The following AKR1C8 variants were observed in gnomAD, a reference collection of about 807,000 sequenced individuals.
The protein encoded by AKR1C8 is aldo-keto reductase family 1 member C8, also known as aldo-keto reductase family 1 member C-like protein 1.
the AKR1C8 span, among the ~76,000 whole-genome samples, chr10:5,168,608 T>C: frequency 1.3e-5 from 2 of 152,284 alleles, no homozygotes; most frequent in Admixed American, 1.3e-4. Context: ...CATAGAGAGA[T>C]GTTATGTTAC....
At chr10:5,140,918 T>C in the AKR1C8 span, among the ~76,000 whole-genome samples, 1 of 152,272 alleles carries the variant, frequency 6.6e-6, no homozygotes, top group African/African-American at 2.4e-5. Context: ...AGTTCTGAAA[T>C]GACTGTGGCA....
the AKR1C8 span, among the ~76,000 whole-genome samples, chr10:5,126,199 G>C: frequency 6.6e-6 from 1 of 152,078 alleles, no homozygotes; most frequent in African/African-American, 2.4e-5. Flanking sequence ...CATAGCTAGG[G>C]CTTCTCCTAA....
the AKR1C8 span, among the ~76,000 whole-genome samples, chr10:5,134,798 G>A: frequency 2.0e-5 from 3 of 152,080 alleles, no homozygotes; most frequent in South Asian, 4.1e-4. Flanking sequence ...AGAAAGAAAC[G>A]GAGAAACCAT....
the AKR1C8 span, chr10:5,122,072 C>CGCA: frequency 8.5e-6 from 1 of 118,036 alleles, no homozygotes; most frequent in Non-Finnish European, 1.5e-5. Flanking sequence ...GTGAAAGAAT[C>CGCA]TGCATCACTT....
At chr10:5,172,368 A>T in the AKR1C8 span, among the ~76,000 whole-genome samples, 8,103 of 152,156 alleles carry the variant, frequency 0.053, 234 homozygotes, top group Middle Eastern at 0.12. Flanking sequence ...TTTTTTAAAT[A>T]TAAGTTATCT....
chr10:5,136,206 C>T, the AKR1C8 span, among the ~76,000 whole-genome samples: 1 of 152,162 alleles, frequency 6.6e-6, no homozygotes, highest in African/African-American at 2.4e-5. Context: ...GAATAATCCT[C>T]ACATGCCTTA....
chr10:5,117,792 G>A, the AKR1C8 span, among the ~76,000 whole-genome samples: 2 of 152,066 alleles, frequency 1.3e-5, no homozygotes, highest in Non-Finnish European at 2.9e-5. Context: ...AAGGTGCCAG[G>A]CTCTTTTTAA....
chr10:5,123,246 G>A, the AKR1C8 span: 4 of 181,250 alleles, frequency 2.2e-5, no homozygotes, highest in Non-Finnish European at 5.0e-5. Context: ...CACCATGCAG[G>A]AGTCCTAATG....
the AKR1C8 span, among the ~76,000 whole-genome samples, chr10:5,146,987 A>G: frequency 6.6e-6 from 1 of 152,166 alleles, no homozygotes; most frequent in African/African-American, 2.4e-5. Flanking sequence ...AAGGTGAGTA[A>G]TTTATAAAGA....
the AKR1C8 span, among the ~76,000 whole-genome samples, chr10:5,128,774 C>T: frequency 2.6e-5 from 4 of 151,994 alleles, no homozygotes; most frequent in Non-Finnish European, 5.9e-5. Flanking sequence ...AATACTGGAG[C>T]TCCCAGATTT....
chr10:5,174,720 T>C, the AKR1C8 span, among the ~76,000 whole-genome samples: 1 of 151,772 alleles, frequency 6.6e-6, no homozygotes, highest in African/African-American at 2.4e-5. Context: ...TAAATTTACA[T>C]ACAAACTATG....
chr10:5,163,384 CT>C, the AKR1C8 span, among the ~76,000 whole-genome samples: 1 of 152,272 alleles, frequency 6.6e-6, no homozygotes, highest in Admixed American at 6.5e-5. Flanking sequence ...AAATTGACTT[CT>C]CATGTTATAG....
At chr10:5,162,192 CTG>C in the AKR1C8 span, among the ~76,000 whole-genome samples, 1 of 152,140 alleles carries the variant, frequency 6.6e-6, no homozygotes, top group East Asian at 1.9e-4. Flanking sequence ...GTGAAGAAAA[CTG>C]TGAGTAAAAC....
At chr10:5,173,339 AC>A in the AKR1C8 span, among the ~76,000 whole-genome samples, 2 of 152,086 alleles carry the variant, frequency 1.3e-5, no homozygotes, top group Non-Finnish European at 2.9e-5. Context: ...AATGCCTTTA[AC>A]CCCAGTCACT....
chr10:5,165,917 G>T, the AKR1C8 span, among the ~76,000 whole-genome samples: 1 of 151,962 alleles, frequency 6.6e-6, no homozygotes, highest in African/African-American at 2.4e-5. Flanking sequence ...TACTCCTAAC[G>T]ACTAACTTGT....
chr10:5,122,348 C>T, the AKR1C8 span, among the ~76,000 whole-genome samples: 1 of 152,162 alleles, frequency 6.6e-6, no homozygotes, highest in Non-Finnish European at 1.5e-5. Flanking sequence ...TCTTCTCCAT[C>T]CCACCCCTCT....
At chr10:5,139,732 T>C in the AKR1C8 span, among the ~76,000 whole-genome samples, 76 of 152,230 alleles carry the variant, frequency 5.0e-4, 1 homozygote, top group South Asian at 0.015. Context: ...ATTCAGGACA[T>C]AGGCATGGGC....
the AKR1C8 span, among the ~76,000 whole-genome samples, chr10:5,179,888 A>C: frequency 0.061 from 9,289 of 152,144 alleles, 341 homozygotes; most frequent in Middle Eastern, 0.085. Flanking sequence ...AATTTTTTTC[A>C]AAGTTTTTAA....
chr10:5,160,556 C>T, the AKR1C8 span, among the ~76,000 whole-genome samples: 2 of 152,148 alleles, frequency 1.3e-5, no homozygotes, highest in Admixed American at 1.3e-4. Context: ...CCTTATAGGG[C>T]TCACATCCTC....
Sources: gnomAD v4.1 joint callset for allele counts (sites outside exome capture counted in the v4.1 genomes callset) on GRCh38, gnomAD v4.1.1 for gene constraint, MANE v1.5 for transcripts, NCBI Gene and HGNC (gene_info 2026-07-23, HGNC 2026-07-21) for gene names.